ADA2: variants seen among roughly 807,000 people sequenced by gnomAD.
The protein encoded by ADA2 is adenosine deaminase CECR1.
A neutral mutation model predicts 44.2 loss-of-function variants in ADA2; 29 were observed. The ratio of observed to expected loss-of-function variants is 0.66; its 90% CI spans 0.49 to 0.89. ADA2 has a LOEUF of 0.89. ADA2 is among the 40% of genes least tolerant of loss of function. ADA2 has a pLI of 0.00. For missense variants in ADA2, 637 were observed against 644.8 expected, an observed-to-expected ratio of 0.99 and a Z score of 0.13; for synonymous variants, 215 against 234.9, an observed-to-expected ratio of 0.92 and a Z score of 0.77.
chr22:17,182,781 C>A lies in ADA2; in HGVS notation c.1082-20G>T. On this transcript the variant is annotated intron_variant, in intron 7 of 9. Coordinates refer to ENST00000399837, the MANE Select transcript of ADA2 (RefSeq NM_001282225.2). ...GCCAGTCTGAACACACGGGAATGGTCTTCCATGGGGGATGGATGGGTCTGG... is the reference window on the plus strand; with the variant it reads ...GCCAGTCTGAACACACGGGAATGGTATTCCATGGGGGATGGATGGGTCTGG... 1 of 1,546,712 alleles carries A rather than the reference C, an allele frequency of 6.5e-7. No homozygotes were observed. Among genetic ancestry groups the A allele is most frequent in the South Asian group, 1.1e-5 (1 of 88,284 alleles).
At chr22:17,221,783 AG>A (rs146885082), upstream of ADA2, 5,913 of 152,362 alleles carry the variant, frequency 0.039, 181 homozygotes, top group East Asian at 0.12. Context: ...GGAGGCTGGC[AG>A]CAGGCTCTGC....
chr22:17,199,778 G>T (rs745451057), intron 4 of ADA2: 16 of 1,431,348 alleles, frequency 1.1e-5, no homozygotes, highest in Non-Finnish European at 1.4e-5. Flanking sequence ...CTTTAGTTTC[G>T]ACATCAATAA....
rs2061965330 is a variant in ADA2, at chr22:17,181,297, G to A, written c.*186C>T. ...ACAGGAGAAAACCAAGAGGGTCAAT[G>A]TCACTGTGGCTGAGAGAGAATATTT... On this transcript the variant is annotated 3_prime_UTR_variant, in exon 10 of 10. Transcript: ENST00000399837. 3.2e-6 allele frequency: 2 copies of A among 615,880 alleles called. No individual in the cohort carries two copies. The highest frequency in any genetic ancestry group is 5.9e-6 in the Non-Finnish European group (2 of 341,556). The allele number at this position is 615,880 out of a possible 1,614,324, so 38.2% of individuals were successfully genotyped here.
At chr22:17,213,903 G>C (rs1296702774) in intron 1 of ADA2, 3 of 312,766 alleles carry the variant, frequency 9.6e-6, no homozygotes, top group Non-Finnish European at 1.9e-5. Context: ...GCTGGGCGTG[G>C]TGGTGTGTGC....
At chr22:17,194,607 GC>G (rs1252037427) in intron 4 of ADA2, among the ~76,000 whole-genome samples, 2 of 152,160 alleles carry the variant, frequency 1.3e-5, no homozygotes, top group East Asian at 3.9e-4. Flanking sequence ...ACGTCACACA[GC>G]CCCCCACAAC....
intron 4 of ADA2, among the ~76,000 whole-genome samples, chr22:17,195,872 C>T (rs550058926): frequency 1.2e-3 from 189 of 151,746 alleles, no homozygotes; most frequent in African/African-American, 4.4e-3. Context: ...GCACGACTCC[C>T]GAGTAGCTGG....
intron 1 of ADA2, among the ~76,000 whole-genome samples, chr22:17,217,319 T>C (rs917266849): frequency 4.6e-5 from 7 of 152,034 alleles, no homozygotes; most frequent in Non-Finnish European, 1.0e-4. Context: ...TTAGATTGAG[T>C]ACCTTGCACA....
At chr22:17,213,432 A>G (rs1313082095) in intron 1 of ADA2, 1 of 186,448 alleles carries the variant, frequency 5.4e-6, no homozygotes, top group Non-Finnish European at 1.1e-5. Flanking sequence ...AGTTATGGAA[A>G]CAACCCAAGT....
intron 2 of ADA2, among the ~76,000 whole-genome samples, chr22:17,208,963 G>A (rs1296126778): frequency 2.0e-5 from 3 of 151,914 alleles, no homozygotes; most frequent in Non-Finnish European, 2.9e-5. Flanking sequence ...AGAGTAGCTC[G>A]GATTACAGGT....
At chr22:17,200,019 A>C (rs1240245193) in intron 4 of ADA2, among the ~76,000 whole-genome samples, 1 of 152,068 alleles carries the variant, frequency 6.6e-6, no homozygotes. Context: ...ATATGGTGAA[A>C]TCTCATCTCT....
chr22:17,194,392 C>A (rs1314855416), intron 4 of ADA2, among the ~76,000 whole-genome samples: 2 of 152,226 alleles, frequency 1.3e-5, no homozygotes, highest in Non-Finnish European at 2.9e-5. Context: ...CCACACCCCT[C>A]CAGGCTGCGG....
rs1014574948 is a variant in ADA2 at position 17,181,754 on chromosome 22, A to G, written c.1442+66T>C. On this transcript the variant is annotated intron_variant, in intron 9 of 9. Transcript: ENST00000399837. ...ATCGAGGCATCTGCCTCAAGCCTCC[A>G]GAGAGGCAAACACAAGCTGCGGGCT... The G allele has an allele frequency of 4.3e-6, 6 of 1,398,486 alleles. No individual in the cohort carries two copies. In the African/African-American group the frequency reaches 5.6e-5, roughly 13 times the overall value. The allele number at this position is 1,398,486 out of a possible 1,614,324, so 86.6% of individuals were successfully genotyped here. A position where few individuals can be genotyped will look rare whatever the true frequency, so the allele number is the denominator to read the frequency against.
chr22:17,202,165 T>C (rs1013273131), intron 4 of ADA2, among the ~76,000 whole-genome samples: 40 of 151,298 alleles, frequency 2.6e-4, no homozygotes, highest in African/African-American at 9.2e-4. Flanking sequence ...AGTCTCACTC[T>C]GTCACTCAGG....
intron 2 of ADA2, among the ~76,000 whole-genome samples, chr22:17,208,917 C>T (rs1306959071): frequency 6.6e-6 from 1 of 151,866 alleles, no homozygotes; most frequent in Non-Finnish European, 1.5e-5. Flanking sequence ...CAAACTCCAC[C>T]TCCTGGGCTC....
chr22:17,185,994 C>T (rs995217499), intron 7 of ADA2, among the ~76,000 whole-genome samples: 3 of 152,074 alleles, frequency 2.0e-5, no homozygotes, highest in African/African-American at 7.2e-5. Flanking sequence ...GACTGGAATA[C>T]GGGAGGGGCT....
In ADA2 at chr22:17,207,249, C is replaced by A; in HGVS notation, c.364G>T (p.Asp122Tyr). ...TAGGTGACATTCCTCACCAGCCAGT[C>A]CATAGTCACGATGCCAATGTCATGG... ...HLHDIGIVTMDWLVRNVTYRP... is the reference protein window; with the variant it reads ...HLHDIGIVTMYWLVRNVTYRP... Residue 122 changes from aspartate to tyrosine, a missense_variant, in exon 3 of 10, where the codon GAC (aspartate) becomes TAC (tyrosine). By Grantham distance (160) the Asp-to-Tyr change is radical (BLOSUM62 -3). Transcript: ENST00000399837. The A allele has an allele frequency of 6.2e-7, 1 of 1,611,826 alleles. No individual in the cohort carries two copies. The highest frequency in any genetic ancestry group is 2.2e-5 in the East Asian group (1 of 44,808).
chr22:17,216,630 T>G (rs1370047268), intron 1 of ADA2, among the ~76,000 whole-genome samples: 1 of 151,664 alleles, frequency 6.6e-6, no homozygotes. Context: ...CCATGTGGCG[T>G]GTGCCTGTAA....
At chr22:17,200,755 G>A (rs1194457087) in intron 4 of ADA2, among the ~76,000 whole-genome samples, 6 of 151,774 alleles carry the variant, frequency 4.0e-5, no homozygotes, top group Admixed American at 2.0e-4. Flanking sequence ...GGTGGTGCAC[G>A]CCTGTAATCC....
chr22:17,185,460 T>C (rs1227235118), intron 7 of ADA2, among the ~76,000 whole-genome samples: 2 of 151,816 alleles, frequency 1.3e-5, no homozygotes, highest in African/African-American at 4.8e-5. Context: ...AAAATAAAAA[T>C]AAGGACATTA....
Sources: gnomAD v4.1 joint callset for allele counts (sites outside exome capture counted in the v4.1 genomes callset) on GRCh38, gnomAD v4.1.1 for gene constraint, MANE v1.5 for transcripts, NCBI Gene and HGNC (gene_info 2026-07-23, HGNC 2026-07-21) for gene names.